Variants in DNAH6 observed in about 807,000 individuals in gnomAD.
The protein encoded by DNAH6 is dynein axonemal heavy chain 6.
In DNAH6, 340 loss-of-function variants were observed where a neutral mutation model predicts 491.4. That is an observed-to-expected ratio of 0.69 (90% confidence interval 0.63 to 0.76). The LOEUF (loss-of-function observed/expected upper bound fraction) is 0.76. DNAH6 is among the 30% of genes least tolerant of loss of function. The pLI, the probability that DNAH6 is intolerant of heterozygous loss-of-function variation, is 0.00. For missense variants in DNAH6, 4,443 were observed against 4,972.2 expected (o/e 0.89, Z 3.20); for synonymous variants, 1,603 against 1,686.1 (o/e 0.95, Z 1.21).
intron 33 of DNAH6, among the ~76,000 whole-genome samples, chr2:84,652,104 A>C (rs930974503): frequency 1.3e-5 from 2 of 152,058 alleles, no homozygotes; most frequent in African/African-American, 4.8e-5. Context: ...GAATATTCCT[A>C]TACATATATC....
chr2:84,598,049 A>C (rs1684782327), intron 18 of DNAH6, among the ~76,000 whole-genome samples: 2 of 152,176 alleles, frequency 1.3e-5, no homozygotes, highest in Non-Finnish European at 2.9e-5. Context: ...TTTATATGAA[A>C]TGTCCAGAAT....
chr2:84,566,362 G>A (rs74494728), intron 11 of DNAH6, among the ~76,000 whole-genome samples: 1 of 151,888 alleles, frequency 6.6e-6, no homozygotes, highest in African/African-American at 2.4e-5. Context: ...AGCAAAGCAG[G>A]TAATATATTT....
Position 84,642,011 on chromosome 2 carries a change from T to A in DNAH6, c.5035T>A (p.Ser1679Thr). The change falls in exon 33 of 77, where the codon TCC becomes ACC. Residue 1679 changes from serine to threonine, a missense_variant. Transcript: ENST00000389394. ...GGTGTTGATAAGAGCTTTACAAGAC[T>A]CCAATTTGCCAAAATTTCTAACAGA... is the stretch of plus-strand genomic sequence containing the variant. ...DVVLIRALQD[S>T]NLPKFLTDDA... is the part of the protein sequence containing the mutation. 7.7e-6 allele frequency: 12 copies of A among 1,551,038 alleles called. No homozygotes were observed. The highest frequency in any genetic ancestry group is 1.0e-5 in the Non-Finnish European group (12 of 1,146,614).
chr2:84,475,964 G>A, the DNAH6 span, among the ~76,000 whole-genome samples: 2 of 152,052 alleles, frequency 1.3e-5, no homozygotes, highest in Non-Finnish European at 2.9e-5. Flanking sequence ...CCCCAATCAG[G>A]TCTGACTCCC....
Position 84,814,061 on chromosome 2 carries a change from C to A in DNAH6, c.12089C>A (p.Ala4030Asp), listed in dbSNP as rs375076755. The change falls in exon 75 of 77, where the codon GCT becomes GAT. Residue 4030 changes from alanine to aspartate, a missense_variant. Coordinates refer to ENST00000389394, the MANE Select transcript of DNAH6 (RefSeq NM_001370.2). ...YSVIPTYRDQ[A>D]AVIEAAKTVQ... Reference sequence around the variant, plus strand: ...GTAATTCCCACCTATCGGGATCAAGCTGCAGTGATAGAAGCTGCCAAGACA... The same window carrying A: ...GTAATTCCCACCTATCGGGATCAAGATGCAGTGATAGAAGCTGCCAAGACA... 1 of 1,551,628 alleles carries A rather than the reference C, an allele frequency of 6.4e-7. No individual in the cohort carries two copies. Among genetic ancestry groups the A allele is most frequent in the African/African-American group, 1.4e-5 (1 of 73,052 alleles).
intron 70 of DNAH6, among the ~76,000 whole-genome samples, chr2:84,803,621 T>A (rs1010300382): frequency 2.6e-5 from 4 of 151,898 alleles, no homozygotes; most frequent in African/African-American, 7.3e-5. Context: ...AAAGGAGTAA[T>A]ATAGATGGTC....
Position 84,695,723 on chromosome 2 carries a change from T to C in DNAH6, c.7524+1243T>C, listed in dbSNP as rs113906197. On this transcript the variant is annotated intron_variant, in intron 46 of 76. Coordinates refer to ENST00000389394, the MANE Select transcript of DNAH6 (RefSeq NM_001370.2). ...AAGAGAAAACATTTGAATCTTGGGA[T>C]TGTGAGTGATTTTTATTGTCTAGTT... 5.3e-3 allele frequency among the ~76,000 whole-genome samples: 801 copies of C among 152,184 alleles called. 5 individuals carry two copies. Among genetic ancestry groups the C allele is most frequent in the African/African-American group, 0.018 (735 of 41,560 alleles).
intron 62 of DNAH6, among the ~76,000 whole-genome samples, chr2:84,738,097 T>A (rs1672178956): frequency 6.6e-6 from 1 of 152,176 alleles, no homozygotes; most frequent in African/African-American, 2.4e-5. Context: ...CTTGATTTCA[T>A]TGTTTACCCA....
chr2:84,544,451 T>C lies in DNAH6; in HGVS notation c.881T>C (p.Ile294Thr), dbSNP rs1426236849. 3.9e-6 allele frequency: 6 copies of C among 1,520,164 alleles called. No individual in the cohort carries two copies. In the Admixed American group the frequency reaches 5.9e-5, roughly 15 times the overall value. The allele number at this position is 1,520,164 out of a possible 1,614,324, so 94.2% of individuals were successfully genotyped here. A position where few individuals can be genotyped will look rare whatever the true frequency, so the allele number is the denominator to read the frequency against. The change falls in exon 5 of 77, where the codon ATC (isoleucine) becomes ACC (threonine). Residue 294 changes from isoleucine to threonine, a missense_variant. Transcript: ENST00000389394. ...AGGAAGAATGTCCGCTCCAAGAAAA[T>C]CACTGGATGTCAAAAATCTCTACAA... ...VWRKNVRSKK[I>T]TGCQKSLQKN...
chr2:84,728,536 A>G (rs757446196), intron 61 of DNAH6, among the ~76,000 whole-genome samples: 4 of 152,236 alleles, frequency 2.6e-5, no homozygotes, highest in Non-Finnish European at 5.9e-5. Context: ...CCAATAAGCT[A>G]GTAGAAGTGA....
intron 64 of DNAH6, among the ~76,000 whole-genome samples, chr2:84,770,815 T>C (rs1347845614): frequency 6.7e-6 from 1 of 148,694 alleles, no homozygotes; most frequent in African/African-American, 2.4e-5. Flanking sequence ...AGACCCTGCC[T>C]CTACAAAAAA....
At chr2:84,597,342 C>T (rs941578316) in intron 18 of DNAH6, among the ~76,000 whole-genome samples, 3 of 152,132 alleles carry the variant, frequency 2.0e-5, no homozygotes, top group African/African-American at 7.2e-5. Context: ...AAAGAAGACA[C>T]ATGAAAAGAT....
intron 64 of DNAH6, among the ~76,000 whole-genome samples, chr2:84,776,900 A>G (rs1287000978): frequency 6.6e-6 from 1 of 152,248 alleles, no homozygotes; most frequent in Non-Finnish European, 1.5e-5. Flanking sequence ...TACACCGTGG[A>G]ATACTATGCA....
chr2:84,472,127 T>C, the DNAH6 span, among the ~76,000 whole-genome samples: 1 of 152,146 alleles, frequency 6.6e-6, no homozygotes, highest in Non-Finnish European at 1.5e-5. Flanking sequence ...GGTTGATCTT[T>C]TTGTAAATTT....
chr2:84,771,439 T>C (rs1240535916), intron 64 of DNAH6, among the ~76,000 whole-genome samples: 1 of 152,042 alleles, frequency 6.6e-6, no homozygotes, highest in Non-Finnish European at 1.5e-5. Flanking sequence ...ACTTCCCAAA[T>C]TGATGAAAGG....
At chr2:84,774,741 G>T (rs1675967318) in intron 64 of DNAH6, among the ~76,000 whole-genome samples, 1 of 152,002 alleles carries the variant, frequency 6.6e-6, no homozygotes, top group South Asian at 2.1e-4. Flanking sequence ...GTATTTTGCA[G>T]TTCTCCTTGT....
In DNAH6 at chr2:84,703,547, A is replaced by C; in HGVS notation, c.8214A>C (p.Gln2738His). Residue 2738 changes from glutamine to histidine, a missense_variant, in exon 50 of 77, where the codon CAA (glutamine) becomes CAC (histidine). Coordinates refer to ENST00000389394, the MANE Select transcript of DNAH6 (RefSeq NM_001370.2). ...EALMEKLAVD[Q>H]ESADQVRNTV... ...TGATGGAAAAATTGGCAGTGGATCA[A>C]GAAAGTGCCGATCAGGTATGCTGCA... 1 of 1,551,118 alleles carries C rather than the reference A, an allele frequency of 6.4e-7. No homozygotes were observed. Among genetic ancestry groups the C allele is most frequent in the Admixed American group, 2.0e-5 (1 of 50,930 alleles).
chr2:84,668,846 GTGTGTGTGTGTA>G (rs752932581), intron 37 of DNAH6, among the ~76,000 whole-genome samples: 1,492 of 83,050 alleles, frequency 0.018, 23 homozygotes, highest in East Asian at 0.066. Flanking sequence ...GTGTGTGTGT[GTGTGTGTGTGTA>G]TGATTGTAAT....
At chr2:84,618,902 A>C (rs1031039707) in intron 23 of DNAH6, among the ~76,000 whole-genome samples, 4 of 152,142 alleles carry the variant, frequency 2.6e-5, no homozygotes, top group African/African-American at 9.7e-5. Context: ...ATTGGAACAC[A>C]AAGGGAGCCA....
Sources: allele counts gnomAD v4.1 joint callset (sites outside exome capture counted in the v4.1 genomes callset), GRCh38; gene constraint gnomAD v4.1.1; transcripts MANE v1.5; gene names NCBI Gene and HGNC (gene_info 2026-07-23, HGNC 2026-07-21).